Variants in HMHB1 observed in about 807,000 individuals in gnomAD.
HMHB1 encodes minor histocompatibility protein HB-1.
A neutral mutation model predicts 2.4 loss-of-function variants in HMHB1; 4 were observed. That is an observed-to-expected ratio of 1.65 (90% CI 0.81 to 3.77). HMHB1 has a LOEUF of 3.77. Ranked by LOEUF, HMHB1 falls within the 30% of genes most tolerant of loss-of-function variation. HMHB1 has a pLI of 0.01. For missense variants in HMHB1, 57 were observed against 44.2 expected (o/e 1.29, Z -0.82); for synonymous variants, 22 against 17.6 (o/e 1.25, Z -0.63).
chr5:143,814,435 A>G (rs1180878557), intron 1 of HMHB1, among the ~76,000 whole-genome samples: 1 of 152,196 alleles, frequency 6.6e-6, no homozygotes, highest in African/African-American at 2.4e-5. Context: ...TTAAGGAATA[A>G]GGATGGAAAC....
chr5:143,818,065 A>G (rs1759768929), intron 1 of HMHB1, among the ~76,000 whole-genome samples: 1 of 152,238 alleles, frequency 6.6e-6, no homozygotes, highest in Non-Finnish European at 1.5e-5. Context: ...GAAATTGACA[A>G]GTTAATTCTC....
At chr5:143,813,492 G>A (rs541716574) in intron 1 of HMHB1, among the ~76,000 whole-genome samples, 1 of 152,302 alleles carries the variant, frequency 6.6e-6, no homozygotes, top group Non-Finnish European at 1.5e-5. Flanking sequence ...GCTTGGCACA[G>A]TAAAAGCTGT....
Position 143,815,437 on chromosome 5 carries a change from AC to A in HMHB1, c.37+3135del, listed in dbSNP as rs958182794. ...AAGCTAACAATGTTGCAGCTCTCTA[AC>A]CTTTTTTCAAAGTAATGTATCCCTT... On this transcript the variant is annotated intron_variant, in intron 1 of 1. Coordinates refer to ENST00000289448, the MANE Select transcript of HMHB1 (RefSeq NM_021182.3). 3.4e-4 allele frequency among the ~76,000 whole-genome samples: 51 copies of A among 151,724 alleles called. 1 individual carries two copies. Among genetic ancestry groups the A allele is most frequent in the Admixed American group, 2.9e-3 (44 of 15,242 alleles).
chr5:143,813,852 G>C (rs1230415487), intron 1 of HMHB1, among the ~76,000 whole-genome samples: 1 of 152,122 alleles, frequency 6.6e-6, no homozygotes, highest in Non-Finnish European at 1.5e-5. Context: ...ATAGAAATGA[G>C]ATGGCCAATT....
rs200130298 is a variant in HMHB1 at position 143,820,523 on chromosome 5, T to C, written c.81T>C (p.Asp27=). 20 of 1,613,320 alleles carry C rather than the reference T, an allele frequency of 1.2e-5. No individual in the cohort carries two copies. The Admixed American group carries it at 1.7e-4, about 13-fold the overall frequency. The change falls in exon 2 of 2, where the codon GAT becomes GAC. Residue 27 remains aspartate (D), a synonymous_variant. Transcript: ENST00000289448. ...AGTCGGAATTGGTTGAAGTTGAAGA[T>C]GATGTGTATCTGAGGCACAGCTCTT... is the stretch of plus-strand genomic sequence containing the variant.
rs535842476 is a variant in HMHB1 at position 143,813,645 on chromosome 5, A to ATT, written c.37+1349_37+1350dup. Among the ~76,000 whole-genome samples, 10 of 151,552 alleles carry ATT rather than the reference A, an allele frequency of 6.6e-5. No homozygotes were observed. In the East Asian group the frequency reaches 1.7e-3, roughly 26 times the overall value. On this transcript the variant is annotated intron_variant, in intron 1 of 1. Transcript: ENST00000289448. Reference sequence around the variant, plus strand: ...ATTGTCAGTCTCATGAGCAGTCCATATTTTTTTTTATTGGTGAGAGATAAA... The same window carrying ATT: ...ATTGTCAGTCTCATGAGCAGTCCATATTTTTTTTTTTATTGGTGAGAGATAAA...
intron 1 of HMHB1, among the ~76,000 whole-genome samples, chr5:143,819,813 C>T (rs1759788454): frequency 6.6e-6 from 1 of 152,072 alleles, no homozygotes; most frequent in Non-Finnish European, 1.5e-5. Flanking sequence ...TTGGCTTAGT[C>T]ATGGCAAGGG....
rs183088519 is a variant in HMHB1 at position 143,816,027 on chromosome 5, C to G, written c.37+3723C>G. On this transcript the variant is annotated intron_variant, in intron 1 of 1. Transcript: ENST00000289448. ...AGCCCTCTTTTCCACTTTTAAGGGC[C>G]CTTTTATTACATTAAGCTTTCTCAG... Among the ~76,000 whole-genome samples the G allele has an allele frequency of 7.6e-4, 115 of 152,162 alleles. 1 individual carries two copies. The highest frequency in any genetic ancestry group is 1.4e-3 in the Non-Finnish European group (96 of 67,996).
Position 143,820,487 on chromosome 5 carries a change from G to T in HMHB1, c.45G>T (p.Leu15=). 1 of 1,605,812 alleles carries T rather than the reference G, an allele frequency of 6.2e-7. No individual in the cohort carries two copies. The highest frequency in any genetic ancestry group is 8.5e-7 in the Non-Finnish European group (1 of 1,172,744). Residue 15 remains leucine (L), a synonymous_variant, in exon 2 of 2, where the codon CTG becomes CTT. Transcript: ENST00000289448. The stretch of plus-strand genomic sequence containing the variant: ...AGCCATTCTTTTCTATAGGTTCTCT[G>T]CATGTTTGGAAGTCGGAATTGGTTG...
At chr5:143,812,433 G>A (rs763892351) in intron 1 of HMHB1, 129 bp downstream of exon 1, 14 of 849,312 alleles carry the variant, frequency 1.6e-5, no homozygotes, top group Non-Finnish European at 2.5e-5. Flanking sequence ...ATGGCGGAAG[G>A]CAGGGGAGAG....
In HMHB1 at chr5:143,818,887, T is replaced by C. The variant is rs767715538; in HGVS notation, c.38-1593T>C. ...TTGCAAGTACAGAATTCTATTCAGGTTAACATCAGCAAAAGAGGGGAGGTC... is the reference window on the plus strand; with the variant it reads ...TTGCAAGTACAGAATTCTATTCAGGCTAACATCAGCAAAAGAGGGGAGGTC... On this transcript the variant is annotated intron_variant, in intron 1 of 1. Coordinates refer to ENST00000289448, the MANE Select transcript of HMHB1 (RefSeq NM_021182.3). Among the ~76,000 whole-genome samples the C allele has an allele frequency of 1.6e-4, 24 of 152,152 alleles. 1 individual carries two copies. The highest frequency in any genetic ancestry group is 3.2e-4 in the Non-Finnish European group (22 of 68,028).
rs1207519175 is a variant in HMHB1, at chr5:143,820,604, T to C, written c.*36T>C. 5.1e-6 allele frequency: 7 copies of C among 1,367,414 alleles called. No homozygotes were observed. The highest frequency in any genetic ancestry group is 7.3e-6 in the Non-Finnish European group (7 of 956,766). The allele number at this position is 1,367,414 out of a possible 1,614,324, so 84.7% of individuals were successfully genotyped here. A position where few individuals can be genotyped will look rare whatever the true frequency, so the allele number is the denominator to read the frequency against. On this transcript the variant is annotated 3_prime_UTR_variant, in exon 2 of 2. Transcript: ENST00000289448. ...GAGGTTTGACTCGAAGCCCAGAGTT[T>C]TGGTGTGGATGAGCAGGGACAAATT...
intron 1 of HMHB1, among the ~76,000 whole-genome samples, chr5:143,819,706 T>C (rs1197408461): frequency 6.6e-6 from 1 of 151,938 alleles, no homozygotes; most frequent in African/African-American, 2.4e-5. Flanking sequence ...AGTGTATACA[T>C]TGAACATTTA....
Position 143,820,318 on chromosome 5 carries a change from T to TAA in HMHB1, c.38-131_38-130dup, listed in dbSNP as rs60960654. Among the ~76,000 whole-genome samples, 217 of 47,536 alleles carry TAA rather than the reference T, an allele frequency of 4.6e-3. 9 individuals are homozygous for TAA. The highest frequency in any genetic ancestry group is 9.7e-3 in the African/African-American group (137 of 14,194). 31.2% of individuals were successfully genotyped at this position (47,536 alleles called of 152,430 possible). A position where few individuals can be genotyped will look rare whatever the true frequency, so the allele number is the denominator to read the frequency against. ...AGGTGCTGCCCCGGCTCATCATAAG[T>TAA]AAAAAAAAAAAAAAAAAAAAAAAAA... On this transcript the variant is annotated intron_variant, in intron 1 of 1. Coordinates refer to ENST00000289448, the MANE Select transcript of HMHB1 (RefSeq NM_021182.3).
intron 1 of HMHB1, among the ~76,000 whole-genome samples, chr5:143,817,369 A>G (rs1403801812): frequency 6.6e-6 from 1 of 152,086 alleles, no homozygotes; most frequent in African/African-American, 2.4e-5. Context: ...ATCCATCTTG[A>G]GTTGATTTTT....
intron 1 of HMHB1, among the ~76,000 whole-genome samples, chr5:143,818,365 C>A (rs1488332505): frequency 6.6e-6 from 1 of 152,174 alleles, no homozygotes; most frequent in East Asian, 1.9e-4. Context: ...CTAACTCACC[C>A]ACCTCCACCC....
intron 1 of HMHB1, 116 bp downstream of exon 1, chr5:143,812,420 G>C: frequency 1.0e-6 from 1 of 970,098 alleles, no homozygotes; most frequent in Non-Finnish European, 1.6e-6. Flanking sequence ...GGTGAAAACA[G>C]GGATGGCGGA....
At chr5:143,815,458 T>C (rs1759736256) in intron 1 of HMHB1, among the ~76,000 whole-genome samples, 1 of 152,304 alleles carries the variant, frequency 6.6e-6, no homozygotes, top group African/African-American at 2.4e-5. Context: ...AAGTAATGTA[T>C]CCCTTTAACT....
At chr5:143,818,740 T>G (rs1759775113) in intron 1 of HMHB1, among the ~76,000 whole-genome samples, 1 of 151,922 alleles carries the variant, frequency 6.6e-6, no homozygotes, top group African/African-American at 2.4e-5. Context: ...AGCCAGTTGC[T>G]TGACACATAG....
Sources: gnomAD v4.1 joint callset for allele counts (sites outside exome capture counted in the v4.1 genomes callset) on GRCh38, gnomAD v4.1.1 for gene constraint, MANE v1.5 for transcripts, NCBI Gene and HGNC (gene_info 2026-07-23, HGNC 2026-07-21) for gene names.